RMND5A: variants seen among roughly 807,000 people sequenced by gnomAD.
RMND5A encodes the protein E3 ubiquitin-protein transferase RMND5A.
RMND5A carries 17 observed loss-of-function variants against 49.7 expected under a neutral mutation model. That is an observed-to-expected ratio of 0.34 (90% confidence interval 0.23 to 0.51). RMND5A has a LOEUF of 0.51. Among genes scored for constraint, RMND5A ranks in the 20% least tolerant of loss-of-function variants. The probability of loss-of-function intolerance (pLI) is 0.96; values close to 1 mark genes in which losing one functional copy is unlikely to be tolerated. For synonymous variants in RMND5A, 156 were observed against 167.7 expected, an observed-to-expected ratio of 0.93 and a Z score of 0.54; for missense variants, 255 against 471.3, an observed-to-expected ratio of 0.54 and a Z score of 4.25.
intron 4 of RMND5A, among the ~76,000 whole-genome samples, chr2:86,760,080 T>C (rs1411826971): frequency 6.6e-6 from 1 of 152,000 alleles, no homozygotes; most frequent in Admixed American, 6.6e-5. Flanking sequence ...GTTTCACTCT[T>C]GTTGCCCAGG....
At position 86,738,268 on chromosome 2, in the gene RMND5A, G is replaced by T. The variant is rs1326673101; in HGVS notation, c.143-2659G>T. On this transcript the variant is annotated intron_variant, in intron 1 of 8. Transcript: ENST00000283632. ...CATATTGAAATGTTTTATCGGCCAG[G>T]CATGGTGGCTCACGCCTGTAATCCG... Among the ~76,000 whole-genome samples the T allele has an allele frequency of 5.8e-4, 2 of 3,456 alleles. 1 individual carries two copies. The highest frequency in any genetic ancestry group is 2.3e-3 in the African/African-American group (2 of 870). The allele number at this position is 3,456 out of a possible 152,430, so 2.3% of individuals were successfully genotyped here.
chr2:86,762,096 A>G (rs1011109822), intron 4 of RMND5A, among the ~76,000 whole-genome samples: 2 of 152,244 alleles, frequency 1.3e-5, no homozygotes, highest in Admixed American at 1.3e-4. Context: ...TGCCTTTTAA[A>G]GTATAAAATT....
chr2:86,759,875 A>C (rs1482120706), intron 4 of RMND5A, among the ~76,000 whole-genome samples: 1 of 151,972 alleles, frequency 6.6e-6, no homozygotes, highest in Admixed American at 6.5e-5. Context: ...TAGAAAACGA[A>C]TTTCGTTTTC....
intron 2 of RMND5A, chr2:86,748,078 ATTAT>A (rs1210162055): frequency 6.6e-6 from 1 of 152,190 alleles, no homozygotes; most frequent in Non-Finnish European, 1.5e-5. Flanking sequence ...GAAGATGTTA[ATTAT>A]AGATGGTATT....
At chr2:86,743,160 G>T (rs1401804765) in intron 2 of RMND5A, among the ~76,000 whole-genome samples, 2 of 152,116 alleles carry the variant, frequency 1.3e-5, no homozygotes, top group African/African-American at 4.8e-5. Context: ...CATAAGGGTT[G>T]TCAGATATTT....
chr2:86,747,379 GT>G (rs1681555928), intron 2 of RMND5A, among the ~76,000 whole-genome samples: 1 of 152,156 alleles, frequency 6.6e-6, no homozygotes, highest in Non-Finnish European at 1.5e-5. Flanking sequence ...GTGTGTGTTT[GT>G]TTCAAACTCT....
At chr2:86,749,459 G>A (rs534374100) in intron 2 of RMND5A, among the ~76,000 whole-genome samples, 20 of 151,118 alleles carry the variant, frequency 1.3e-4, no homozygotes, top group South Asian at 4.2e-4. Context: ...GCGTGATCTC[G>A]GCTCACTGCA....
intron 4 of RMND5A, among the ~76,000 whole-genome samples, chr2:86,763,004 C>T (rs1672529171): frequency 6.6e-6 from 1 of 151,850 alleles, no homozygotes; most frequent in South Asian, 2.1e-4. Flanking sequence ...GACTGCACCA[C>T]TGCACTGCAG....
Position 86,764,723 on chromosome 2 carries a change from C to T in RMND5A, c.522-304C>T, listed in dbSNP as rs184749882. ...ATCTAGGCAATTTAATTGTGAATCT[C>T]GTGGCTGACACCGCTTCAAAGTGTG... On this transcript the variant is annotated intron_variant, in intron 4 of 8. Transcript: ENST00000283632. Among the ~76,000 whole-genome samples the T allele has an allele frequency of 1.6e-3, 246 of 152,272 alleles. 3 individuals carry two copies. The highest frequency in any genetic ancestry group is 3.5e-3 in the East Asian group (18 of 5,182).
Position 86,720,661 on chromosome 2 carries a change from C to T in RMND5A, c.-7C>T, listed in dbSNP as rs1681187502. 3 of 1,546,216 alleles carry T rather than the reference C, an allele frequency of 1.9e-6. No individual in the cohort carries two copies. The highest frequency in any genetic ancestry group is 4.9e-5 in the East Asian group (2 of 40,716). On this transcript the variant is annotated 5_prime_UTR_variant, in exon 1 of 9. Coordinates refer to ENST00000283632, the MANE Select transcript of RMND5A (RefSeq NM_022780.4). ...GCGCCGAGGAGCCGAGCGCCGCCGC[C>T]TCCGGCATGGATCAGTGCGTGACGG...
intron 6 of RMND5A, among the ~76,000 whole-genome samples, chr2:86,766,838 T>A (rs1031989312): frequency 6.6e-6 from 1 of 152,050 alleles, no homozygotes; most frequent in Admixed American, 6.6e-5. Flanking sequence ...AAAACTTTTT[T>A]AAAAAAGGAT....
At position 86,726,725 on chromosome 2, in the gene RMND5A, G is replaced by A. The variant is rs191866361; in HGVS notation, c.142+5916G>A. Among the ~76,000 whole-genome samples the A allele has an allele frequency of 2.6e-5, 2 of 78,342 alleles. 1 individual carries two copies. The highest frequency in any genetic ancestry group is 5.3e-5 in the Non-Finnish European group (2 of 37,626). 51.4% of individuals were successfully genotyped at this position (78,342 alleles called of 152,430 possible). A position where few individuals can be genotyped will look rare whatever the true frequency, so the allele number is the denominator to read the frequency against. On this transcript the variant is annotated intron_variant, in intron 1 of 8. Coordinates refer to ENST00000283632, the MANE Select transcript of RMND5A (RefSeq NM_022780.4). Reference sequence around the variant, plus strand: ...AATTAATTCTTTTTTATTTGGCACCGTATTCATTTAGACTGGCAGGTGACA... The same window carrying A: ...AATTAATTCTTTTTTATTTGGCACCATATTCATTTAGACTGGCAGGTGACA...
Position 86,749,505 on chromosome 2 carries a change from C to T in RMND5A, c.286-2391C>T, listed in dbSNP as rs186495118. On this transcript the variant is annotated intron_variant, in intron 2 of 8. Coordinates refer to ENST00000283632, the MANE Select transcript of RMND5A (RefSeq NM_022780.4). ...CCCTGGGTTCAAGCGATTCTCCTTC[C>T]TCAGCCTCCCAAGTAGATGGGATCA... 1.2e-4 allele frequency among the ~76,000 whole-genome samples: 18 copies of T among 152,096 alleles called. No individual in the cohort carries two copies. The East Asian group carries it at 3.1e-3, about 26-fold the overall frequency.
rs1558728990 is a variant in RMND5A at position 86,774,414 on chromosome 2, A to G, written c.*1003A>G. ...AGTTAGAAGCTAGCAAATTTTCTGT[A>G]GTGCAGAACGTTTATTGCTGTTTTT... On this transcript the variant is annotated 3_prime_UTR_variant, in exon 9 of 9. Transcript: ENST00000283632. The G allele has an allele frequency of 6.5e-6, 1 of 152,678 alleles. No homozygotes were observed. The allele number at this position is 152,678 out of a possible 1,614,324, so 9.5% of individuals were successfully genotyped here.
chr2:86,760,921 G>A (rs1176244354), intron 4 of RMND5A, among the ~76,000 whole-genome samples: 1 of 151,718 alleles, frequency 6.6e-6, no homozygotes, highest in Non-Finnish European at 1.5e-5. Flanking sequence ...AGATGCTTGT[G>A]GTTTAGATGG....
intron 2 of RMND5A, among the ~76,000 whole-genome samples, chr2:86,745,304 T>C (rs1044355724): frequency 6.6e-6 from 1 of 152,188 alleles, no homozygotes; most frequent in Non-Finnish European, 1.5e-5. Flanking sequence ...TGCTGTTTTG[T>C]ATATGTAAAA....
At position 86,774,884 on chromosome 2, in the gene RMND5A, G is replaced by A. The variant is rs913582968; in HGVS notation, c.*1473G>A. The A allele has an allele frequency of 4.6e-5, 7 of 152,652 alleles. No individual in the cohort carries two copies. The highest frequency in any genetic ancestry group is 1.9e-4 in the East Asian group (1 of 5,200). 9.5% of individuals were successfully genotyped at this position (152,652 alleles called of 1,614,324 possible). A position where few individuals can be genotyped will look rare whatever the true frequency, so the allele number is the denominator to read the frequency against. ...GCTAAGTTAATTAGAAACTGGCAGCGTTTTACAGTAGTACACCAGCCTGGA... is the reference window on the plus strand; with the variant it reads ...GCTAAGTTAATTAGAAACTGGCAGCATTTTACAGTAGTACACCAGCCTGGA... On this transcript the variant is annotated 3_prime_UTR_variant, in exon 9 of 9. Coordinates refer to ENST00000283632, the MANE Select transcript of RMND5A (RefSeq NM_022780.4).
chr2:86,771,709 G>A lies in RMND5A; in HGVS notation c.1109G>A (p.Ser370Asn). The A allele has an allele frequency of 6.2e-7, 1 of 1,602,290 alleles. No homozygotes were observed. ...GCCCTGAATAAAATGTTTAATGGTA[G>A]CAAGTAAGTGTCTGACTTTTAAAAA... is the stretch of plus-strand genomic sequence containing the variant. ...RDALNKMFNG[S>N]KLKCPYCPME... Residue 370 changes from serine to asparagine, a missense_variant, in exon 8 of 9, where the codon AGC becomes AAC. Transcript: ENST00000283632.
chr2:86,767,542 AGT>A (rs1467504135), intron 6 of RMND5A, among the ~76,000 whole-genome samples: 1 of 151,548 alleles, frequency 6.6e-6, no homozygotes, highest in African/African-American at 2.4e-5. Context: ...CAGGCTCCTG[AGT>A]AGCTGGGAGT....
Sources: gnomAD v4.1 joint callset for allele counts (sites outside exome capture counted in the v4.1 genomes callset) on GRCh38, gnomAD v4.1.1 for gene constraint, MANE v1.5 for transcripts, NCBI Gene and HGNC (gene_info 2026-07-23, HGNC 2026-07-21) for gene names.